The following PFKFB3 variants were observed in gnomAD, a reference collection of about 807,000 sequenced individuals.
The protein encoded by PFKFB3 is 6-phosphofructo-2-kinase/fructose-2,6-bisphosphatase 3.
In PFKFB3, 33 loss-of-function variants were observed where a neutral mutation model predicts 68.0. The observed-to-expected ratio is 0.49, with a 90% CI of 0.37 to 0.65. PFKFB3 has a LOEUF of 0.65. Ranked by LOEUF, PFKFB3 falls within the 30% of genes least tolerant of loss-of-function variation. PFKFB3 has a pLI of 0.00. For synonymous variants in PFKFB3, 315 were observed against 288.2 expected (o/e 1.09, Z -0.94); for missense variants, 586 against 712.2 (o/e 0.82, Z 2.02).
chr10:6,315,521 T>C, the PFKFB3 span, among the ~76,000 whole-genome samples: 1 of 152,216 alleles, frequency 6.6e-6, no homozygotes, highest in Non-Finnish European at 1.5e-5. Context: ...GGGGTCTCTG[T>C]TGTCCAGGCT....
At chr10:6,176,257 AT>A (rs1564598574) in intron 1 of PFKFB3, among the ~76,000 whole-genome samples, 1 of 152,036 alleles carries the variant, frequency 6.6e-6, no homozygotes, top group Non-Finnish European at 1.5e-5. Flanking sequence ...TCTGTATCCG[AT>A]GTCAAGACAT....
chr10:6,246,995 G>A (rs1846276808), intron 14 of PFKFB3, among the ~76,000 whole-genome samples: 1 of 152,242 alleles, frequency 6.6e-6, no homozygotes, highest in African/African-American at 2.4e-5. Flanking sequence ...CTGTTGCCCA[G>A]ACCCGGACAT....
chr10:6,230,993 G>A (rs1056073722), intron 14 of PFKFB3, among the ~76,000 whole-genome samples: 6 of 152,202 alleles, frequency 3.9e-5, no homozygotes, highest in Middle Eastern at 6.8e-3. Flanking sequence ...TGGGATTACA[G>A]ATGTGAGCCA....
intron 9 of PFKFB3, 45 bp from the exon 10 acceptor site, chr10:6,221,596 C>T (rs1189349813): frequency 1.9e-6 from 3 of 1,610,148 alleles, no homozygotes; most frequent in Non-Finnish European, 2.5e-6. Flanking sequence ...AGGCCCTAGA[C>T]ACCCCTGTGG....
At chr10:6,172,090 A>G (rs2131746499) in intron 1 of PFKFB3, among the ~76,000 whole-genome samples, 1 of 152,320 alleles carries the variant, frequency 6.6e-6, no homozygotes, top group South Asian at 2.1e-4. Context: ...ACTCTGACGC[A>G]TTCTCCCGGA....
chr10:6,225,123 G>A (rs1438538768), intron 13 of PFKFB3: 4 of 456,150 alleles, frequency 8.8e-6, no homozygotes, highest in African/African-American at 2.0e-5. Context: ...TCAGGTGGAC[G>A]CGTGTTGTGA....
At chr10:6,293,052 A>G in the PFKFB3 span, 1 of 376,446 alleles carries the variant, frequency 2.7e-6, no homozygotes, top group East Asian at 7.3e-5. Context: ...GTTGCCAAAG[A>G]AGGAAACGGA....
chr10:6,232,152 T>C (rs1029386093), intron 14 of PFKFB3, among the ~76,000 whole-genome samples: 6 of 151,952 alleles, frequency 3.9e-5, no homozygotes, highest in Admixed American at 3.9e-4. Flanking sequence ...TTCTTGTTTT[T>C]TGAGGCGTAG....
At chr10:6,281,166 C>CATATATATATATATATATATAT in the PFKFB3 span, among the ~76,000 whole-genome samples, 17 of 84,552 alleles carry the variant, frequency 2.0e-4, no homozygotes, top group African/African-American at 4.7e-4. Flanking sequence ...AGTATTCCAT[C>CATATATATATATATATATATAT]ATATATATAT....
At chr10:6,244,810 C>A (rs930561717) in intron 14 of PFKFB3, among the ~76,000 whole-genome samples, 1 of 152,096 alleles carries the variant, frequency 6.6e-6, no homozygotes, top group African/African-American at 2.4e-5. Flanking sequence ...CAGGTTCATT[C>A]GTTCATTCGT....
the PFKFB3 span, chr10:6,294,210 T>G: frequency 7.6e-6 from 4 of 529,546 alleles, no homozygotes. Flanking sequence ...TTGAGAGATG[T>G]GAACAGAAGC....
intron 1 of PFKFB3, among the ~76,000 whole-genome samples, chr10:6,211,068 G>A (rs1473761812): frequency 6.6e-6 from 1 of 152,094 alleles, no homozygotes; most frequent in Non-Finnish European, 1.5e-5. Flanking sequence ...CAGTTATAGC[G>A]CCCCTCTCTT....
Position 6,215,164 on chromosome 10 carries a change from T to G in PFKFB3, c.203-57T>G. 2.8e-4 allele frequency: 399 copies of G among 1,427,364 alleles called. No individual in the cohort carries two copies. Among genetic ancestry groups the G allele is most frequent in the Non-Finnish European group, 3.6e-4 (362 of 1,011,950 alleles). 88.4% of individuals were successfully genotyped at this position (1,427,364 alleles called of 1,614,324 possible). A position where few individuals can be genotyped will look rare whatever the true frequency, so the allele number is the denominator to read the frequency against. On this transcript the variant is annotated intron_variant, in intron 2 of 14. Coordinates refer to ENST00000379775, the MANE Select transcript of PFKFB3 (RefSeq NM_004566.4). This position sits in a 1 kb window ranked among gnomAD's most constrained non-coding sequence, Gnocchi z 4.3. Reference sequence around the variant, plus strand: ...TTTGGTCGATCCTATGGTCCCGGTGTGAGCTGGCCCCTTCCTCCTGCTCGA... The same window carrying G: ...TTTGGTCGATCCTATGGTCCCGGTGGGAGCTGGCCCCTTCCTCCTGCTCGA...
Position 6,154,597 on chromosome 10 carries a change from A to T in PFKFB3, c.16+9584A>T, listed in dbSNP as rs528244043. Among the ~76,000 whole-genome samples the T allele has an allele frequency of 6.6e-6, 1 of 152,124 alleles. No individual in the cohort carries two copies. The highest frequency in any genetic ancestry group is 2.4e-5 in the African/African-American group (1 of 41,438). ...AACGTCTCCGCCACGGGTGGCTACT[A>T]TCCTGAGAGCAGACTGTGGGGTGGC... On this transcript the variant is annotated intron_variant, in intron 1 of 14. Coordinates refer to the PFKFB3 transcript ENST00000379789. The surrounding 1 kb of genome is among the most constrained non-coding windows in gnomAD (Gnocchi z 4.6).
the PFKFB3 span, among the ~76,000 whole-genome samples, chr10:6,276,557 T>C: frequency 2.0e-5 from 3 of 152,196 alleles, no homozygotes; most frequent in Admixed American, 6.5e-5. Flanking sequence ...CAAGTACCAA[T>C]GAACTTCGCT....
At chr10:6,273,434 C>T in the PFKFB3 span, among the ~76,000 whole-genome samples, 1 of 152,114 alleles carries the variant, frequency 6.6e-6, no homozygotes, top group Non-Finnish European at 1.5e-5. Flanking sequence ...CCTACAATCG[C>T]ACGGCCCTTT....
At chr10:6,216,218 G>A (rs376785737) in intron 4 of PFKFB3, 27 bp downstream of exon 4, 17 of 1,606,456 alleles carry the variant, frequency 1.1e-5, no homozygotes, top group Admixed American at 3.3e-5. Context: ...TAGCCGGCTC[G>A]GTGTCCAGTC....
At chr10:6,273,790 G>A in the PFKFB3 span, among the ~76,000 whole-genome samples, 2 of 152,174 alleles carry the variant, frequency 1.3e-5, no homozygotes, top group Non-Finnish European at 2.9e-5. Context: ...AAGAGGGAGT[G>A]AAGACAGCTG....
At chr10:6,210,447 G>A (rs182077379) in intron 1 of PFKFB3, among the ~76,000 whole-genome samples, 2,343 of 106,006 alleles carry the variant, frequency 0.022, 460 homozygotes, top group East Asian at 0.19. Flanking sequence ...TGCAAGCTCC[G>A]CCTCCCGGGT....
Sources: gnomAD v4.1 joint callset for allele counts (sites outside exome capture counted in the v4.1 genomes callset) on GRCh38, gnomAD v4.1.1 for gene constraint, Gnocchi (gnomAD v3.1) non-coding constraint, MANE v1.5 for transcripts, NCBI Gene and HGNC (gene_info 2026-07-23, HGNC 2026-07-21) for gene names.